SGCZ: variants seen among roughly 807,000 people sequenced by gnomAD.
SGCZ encodes sarcoglycan zeta.
A neutral mutation model predicts 41.3 loss-of-function variants in SGCZ; 40 were observed. That is an observed-to-expected ratio of 0.97 (90% CI 0.75 to 1.26). The LOEUF (loss-of-function observed/expected upper bound fraction) is 1.26, where lower values mean the gene tolerates loss of function less well. Among genes scored for constraint, SGCZ ranks in the 50% most tolerant of loss-of-function variants. The pLI is 0.00. For synonymous variants in SGCZ, 206 were observed against 137.5 expected (o/e 1.50, Z -3.49); for missense variants, 552 against 369.8 (o/e 1.49, Z -4.04).
intron 1 of SGCZ, among the ~76,000 whole-genome samples, chr8:14,807,998 T>G (rs1037076712): frequency 1.3e-5 from 2 of 151,530 alleles, no homozygotes; most frequent in Admixed American, 6.6e-5. Context: ...CCCTATTTAA[T>G]AAATGGTGCT....
Position 14,087,016 on chromosome 8 carries a change from C to G in SGCZ, c.*3427G>C, listed in dbSNP as rs1400167499. On this transcript the variant is annotated 3_prime_UTR_variant, in exon 8 of 8. Coordinates refer to ENST00000382080, the MANE Select transcript of SGCZ (RefSeq NM_139167.4). ...TAAGTAGGTAAGTTCACATGACTAG[C>G]CAGGGGCAGAACTAGAACTGGAATT... 6.6e-6 allele frequency among the ~76,000 whole-genome samples: 1 copy of G among 151,522 alleles called. No individual in the cohort carries two copies. Among genetic ancestry groups the G allele is most frequent in the Non-Finnish European group, 1.5e-5 (1 of 67,704 alleles).
chr8:14,265,118 G>A (rs1799827235), intron 3 of SGCZ, among the ~76,000 whole-genome samples: 1 of 152,078 alleles, frequency 6.6e-6, no homozygotes, highest in African/African-American at 2.4e-5. Flanking sequence ...GACAAAATAA[G>A]GCACCAGAGA....
At chr8:14,978,795 A>AT (rs78675883) in intron 1 of SGCZ, among the ~76,000 whole-genome samples, 59,252 of 151,870 alleles carry the variant, frequency 0.39, 12,699 homozygotes, top group Non-Finnish European at 0.46. Context: ...AGAGTTTACA[A>AT]TTTTTTGTTT....
intron 2 of SGCZ, among the ~76,000 whole-genome samples, chr8:14,394,627 C>T (rs187522941): frequency 4.3e-4 from 65 of 152,200 alleles, no homozygotes; most frequent in Non-Finnish European, 6.8e-4. Context: ...AACTGCTGAT[C>T]CTGTCATAGA....
At chr8:15,016,320 T>G (rs1222972645) in intron 1 of SGCZ, among the ~76,000 whole-genome samples, 1 of 152,168 alleles carries the variant, frequency 6.6e-6, no homozygotes, top group African/African-American at 2.4e-5. Flanking sequence ...TAATGGATCT[T>G]GATCTAACAG....
intron 1 of SGCZ, among the ~76,000 whole-genome samples, chr8:14,881,465 G>A (rs959608558): frequency 6.6e-6 from 1 of 152,092 alleles, no homozygotes; most frequent in Non-Finnish European, 1.5e-5. Flanking sequence ...TCACGGCAGG[G>A]AGTGAAAAGA....
At chr8:14,899,020 C>A (rs991976254) in intron 1 of SGCZ, among the ~76,000 whole-genome samples, 3 of 152,030 alleles carry the variant, frequency 2.0e-5, no homozygotes, top group African/African-American at 7.2e-5. Context: ...GAATATTGAA[C>A]TTTTTACCGT....
intron 1 of SGCZ, among the ~76,000 whole-genome samples, chr8:14,671,009 C>G (rs10097067): frequency 0.21 from 31,202 of 152,140 alleles, 3,769 homozygotes; most frequent in East Asian, 0.44. Flanking sequence ...GTTTCTAGCT[C>G]TCAAGCTTCC....
chr8:14,978,162 G>C, intron 1 of SGCZ, among the ~76,000 whole-genome samples: 1 of 151,790 alleles, frequency 6.6e-6, no homozygotes, highest in South Asian at 2.1e-4. Flanking sequence ...TTTTGTATTT[G>C]TTTCTTTAAA....
intron 1 of SGCZ, among the ~76,000 whole-genome samples, chr8:14,868,708 A>G (rs1404548594): frequency 1.3e-5 from 2 of 152,206 alleles, no homozygotes; most frequent in Admixed American, 1.3e-4. Flanking sequence ...GTAATCTGCT[A>G]TATGAACATA....
chr8:14,967,491 C>A (rs376348465), intron 1 of SGCZ, among the ~76,000 whole-genome samples: 3 of 152,114 alleles, frequency 2.0e-5, no homozygotes, highest in Admixed American at 6.6e-5. Flanking sequence ...AAATAACTAT[C>A]AATAACCCTC....
At chr8:14,660,392 T>C (rs539216238) in intron 1 of SGCZ, among the ~76,000 whole-genome samples, 1 of 151,462 alleles carries the variant, frequency 6.6e-6, no homozygotes, top group Non-Finnish European at 1.5e-5. Context: ...GGCAACATGG[T>C]GAAACCTCAT....
intron 1 of SGCZ, among the ~76,000 whole-genome samples, chr8:15,237,361 G>C (rs1381833843): frequency 6.6e-6 from 1 of 152,198 alleles, no homozygotes; most frequent in Non-Finnish European, 1.5e-5. Context: ...GAGCAGGCGG[G>C]GAGGGCGCCC....
rs111251530 is a variant in SGCZ at position 14,871,824 on chromosome 8, G to GTATA, written c.40-316902_40-316899dup. On this transcript the variant is annotated intron_variant, in intron 1 of 7. Transcript: ENST00000382080. Reference sequence around the variant, plus strand: ...TCTCAAAAATGTATAATATGTGTGTGTATATATATATATATGTATGTATAT... The same window carrying GTATA: ...TCTCAAAAATGTATAATATGTGTGTGTATATATATATATATATATGTATGTATAT... Among the ~76,000 whole-genome samples, 227 of 147,702 alleles carry GTATA rather than the reference G, an allele frequency of 1.5e-3. 1 individual carries two copies. Among genetic ancestry groups the GTATA allele is most frequent in the Middle Eastern group, 3.6e-3 (1 of 280 alleles).
At chr8:14,577,441 T>C (rs1563127471) in intron 1 of SGCZ, among the ~76,000 whole-genome samples, 1 of 142,898 alleles carries the variant, frequency 7.0e-6, no homozygotes, top group Non-Finnish European at 1.5e-5. Context: ...CAGGCTGGAG[T>C]ATAGTGGCGC....
At chr8:14,291,132 T>C (rs1226504103) in intron 3 of SGCZ, among the ~76,000 whole-genome samples, 1 of 151,988 alleles carries the variant, frequency 6.6e-6, no homozygotes, top group East Asian at 1.9e-4. Context: ...ATCACAAAAG[T>C]ACAGAGTAAA....
At chr8:14,319,082 A>T (rs1276162884) in intron 3 of SGCZ, among the ~76,000 whole-genome samples, 2 of 152,016 alleles carry the variant, frequency 1.3e-5, no homozygotes, top group East Asian at 3.9e-4. Flanking sequence ...TCATGAAATT[A>T]TGATAGCTGT....
intron 3 of SGCZ, among the ~76,000 whole-genome samples, chr8:14,320,227 TATG>T (rs1190358629): frequency 3.3e-5 from 5 of 151,438 alleles, no homozygotes; most frequent in African/African-American, 7.3e-5. Flanking sequence ...GTAAATATAA[TATG>T]ATAATGATAA....
At chr8:14,959,121 C>T (rs532511182) in intron 1 of SGCZ, among the ~76,000 whole-genome samples, 3 of 152,160 alleles carry the variant, frequency 2.0e-5, no homozygotes, top group East Asian at 3.9e-4. Context: ...ATTTCAAAGA[C>T]ATTTTTTGAG....
Sources: allele counts gnomAD v4.1 joint callset (sites outside exome capture counted in the v4.1 genomes callset), GRCh38; gene constraint gnomAD v4.1.1; transcripts MANE v1.5; gene names NCBI Gene and HGNC (gene_info 2026-07-23, HGNC 2026-07-21).